PCDHGA12: variants seen among roughly 807,000 people sequenced by gnomAD.
The protein encoded by PCDHGA12 is protocadherin gamma-A12.
In PCDHGA12, 43 loss-of-function variants were observed where a neutral mutation model predicts 61.1. The ratio of observed to expected loss-of-function variants is 0.70; its 90% CI spans 0.55 to 0.91. The LOEUF (loss-of-function observed/expected upper bound fraction) is 0.91. Ranked by LOEUF, PCDHGA12 falls within the 40% of genes least tolerant of loss-of-function variation. PCDHGA12 has a pLI of 0.00. For missense variants in PCDHGA12, 1,236 were observed against 1,227.7 expected (o/e 1.01, Z -0.10); for synonymous variants, 520 against 542.9 (o/e 0.96, Z 0.59).
At chr5:141,462,122 C>A (rs1437400069) in intron 1 of PCDHGA12, among the ~76,000 whole-genome samples, 3 of 152,044 alleles carry the variant, frequency 2.0e-5, no homozygotes, top group Admixed American at 6.6e-5. Context: ...TGCACCCAGT[C>A]CAATTTTTTG....
chr5:141,456,783 C>G (rs1400541298), intron 1 of PCDHGA12, among the ~76,000 whole-genome samples: 3 of 151,802 alleles, frequency 2.0e-5, no homozygotes, highest in African/African-American at 4.8e-5. Flanking sequence ...GCCTACATGG[C>G]AAAACCCCAT....
chr5:141,496,932 T>G (rs1336402833), intron 2 of PCDHGA12, among the ~76,000 whole-genome samples: 1 of 148,964 alleles, frequency 6.7e-6, no homozygotes, highest in Non-Finnish European at 1.5e-5. Context: ...ACGCCTGTAA[T>G]CCCAGCACTT....
In PCDHGA12 at chr5:141,490,304, T is replaced by G. The variant is rs2099698490; in HGVS notation, c.2425-4503T>G. On this transcript the variant is annotated intron_variant, in intron 1 of 3. Coordinates refer to ENST00000252085, the MANE Select transcript of PCDHGA12 (RefSeq NM_003735.3). This position sits in a 1 kb window ranked among gnomAD's most constrained non-coding sequence, Gnocchi z 5.4. ...GCCCCAGAGGTGCTATTGGCCTCTT[T>G]GGCCAACCCTGTCCTAGAGAGCACA... 1.2e-6 allele frequency: 2 copies of G among 1,614,026 alleles called. No homozygotes were observed. The highest frequency in any genetic ancestry group is 1.7e-5 in the Admixed American group (1 of 60,010).
intron 1 of PCDHGA12, among the ~76,000 whole-genome samples, chr5:141,448,751 T>C (rs888567097): frequency 1.3e-5 from 2 of 151,804 alleles, no homozygotes; most frequent in South Asian, 4.2e-4. Context: ...CCATCCTGGC[T>C]AACACGGTGA....
chr5:141,437,346 T>C (rs143931647), intron 1 of PCDHGA12, among the ~76,000 whole-genome samples: 2 of 152,380 alleles, frequency 1.3e-5, no homozygotes, highest in East Asian at 3.9e-4. Flanking sequence ...CACTGTTTTA[T>C]AGTACCTAAA....
chr5:141,481,913 CAA>C (rs34114744), intron 1 of PCDHGA12, among the ~76,000 whole-genome samples: 12,059 of 90,730 alleles, frequency 0.13, 576 homozygotes, highest in African/African-American at 0.21. Flanking sequence ...AACTCCATCT[CAA>C]AAAAAAAAAA....
At chr5:141,448,663 G>A (rs1195703194) in intron 1 of PCDHGA12, among the ~76,000 whole-genome samples, 3 of 151,920 alleles carry the variant, frequency 2.0e-5, no homozygotes, top group African/African-American at 7.3e-5. Flanking sequence ...CATATTGGCC[G>A]GGCGCGGTGG....
chr5:141,472,770 G>C (rs953423129), intron 1 of PCDHGA12, among the ~76,000 whole-genome samples: 5 of 152,046 alleles, frequency 3.3e-5, no homozygotes, highest in Admixed American at 6.6e-5. Flanking sequence ...CAGATCACCT[G>C]AGGTTGGGAG....
chr5:141,475,761 T>C (rs1430719406), intron 1 of PCDHGA12, among the ~76,000 whole-genome samples: 3 of 152,248 alleles, frequency 2.0e-5, no homozygotes, highest in Admixed American at 6.5e-5. Flanking sequence ...GCACCGATAC[T>C]GGCAAGGCGC....
Position 141,486,314 on chromosome 5 carries a change from T to C in PCDHGA12, c.2425-8493T>C, listed in dbSNP as rs775833520. The C allele has an allele frequency of 4.5e-5, 72 of 1,613,758 alleles. No homozygotes were observed. The highest frequency in any genetic ancestry group is 5.9e-5 in the Non-Finnish European group (70 of 1,179,984). On this transcript the variant is annotated intron_variant, in intron 1 of 3. Transcript: ENST00000252085. This position sits in a 1 kb window ranked among gnomAD's most constrained non-coding sequence, Gnocchi z 5.0. ...CAGTGTGCAGGATCCAGACTCAGGG[T>C]CAAACGGAGATGTGAGCCTCCGCAT...
At chr5:141,474,452 G>A (rs1341193950) in intron 1 of PCDHGA12, among the ~76,000 whole-genome samples, 1 of 152,158 alleles carries the variant, frequency 6.6e-6, no homozygotes, top group Non-Finnish European at 1.5e-5. Flanking sequence ...CAAGTGATTG[G>A]GCTATACTCT....
At position 141,438,623 on chromosome 5, in the gene PCDHGA12, TATATATATATATAC is replaced by T. The variant is rs537048311; in HGVS notation, c.2424+5442_2424+5455del. Among the ~76,000 whole-genome samples the T allele has an allele frequency of 0.015, 646 of 42,812 alleles. 25 individuals are homozygous for T. In the East Asian group the frequency reaches 0.19, roughly 12 times the overall value. The allele number at this position is 42,812 out of a possible 152,430, so 28.1% of individuals were successfully genotyped here. A position where few individuals can be genotyped will look rare whatever the true frequency, so the allele number is the denominator to read the frequency against. On this transcript the variant is annotated intron_variant, in intron 1 of 3. Transcript: ENST00000252085. ...ATATATATATATATATATATATATA[TATATATATATATAC>T]ACACACACACACACATATATGTATA...
Position 141,489,111 on chromosome 5 carries a change from C to T in PCDHGA12, c.2425-5696C>T. The T allele has an allele frequency of 1.9e-6, 1 of 518,040 alleles. No individual in the cohort carries two copies. Among genetic ancestry groups the T allele is most frequent in the African/African-American group, 1.9e-5 (1 of 51,336 alleles). The allele number at this position is 518,040 out of a possible 1,614,324, so 32.1% of individuals were successfully genotyped here. ...GTGACTAAGAACTGCTGCAAGCAGG[C>T]AAACCTCCGAGCAGTTTTTAAGAGG... On this transcript the variant is annotated intron_variant, in intron 1 of 3. Transcript: ENST00000252085. This position sits in a 1 kb window ranked among gnomAD's most constrained non-coding sequence, Gnocchi z 4.5.
In PCDHGA12 at chr5:141,487,938, G is replaced by A; in HGVS notation, c.2425-6869G>A. ...GAGGCTACAGTGCACAGGGTACAGT[G>A]CACCAGGCAGTCACTTGGACAAAGG... is the stretch of plus-strand genomic sequence containing the variant. On this transcript the variant is annotated intron_variant, in intron 1 of 3. Coordinates refer to ENST00000252085, the MANE Select transcript of PCDHGA12 (RefSeq NM_003735.3). This position sits in a 1 kb window ranked among gnomAD's most constrained non-coding sequence, Gnocchi z 5.0. 1.7e-6 allele frequency: 1 copy of A among 600,308 alleles called. No homozygotes were observed. The highest frequency in any genetic ancestry group is 2.9e-6 in the Non-Finnish European group (1 of 342,970). 37.2% of individuals were successfully genotyped at this position (600,308 alleles called of 1,614,324 possible).
intron 1 of PCDHGA12, among the ~76,000 whole-genome samples, chr5:141,450,783 G>A (rs2879228): frequency 0.25 from 37,099 of 150,510 alleles, 4,810 homozygotes; most frequent in Admixed American, 0.32. Flanking sequence ...CACCGTGCCC[G>A]GACCTCATGA....
intron 1 of PCDHGA12, among the ~76,000 whole-genome samples, chr5:141,452,350 A>G (rs1355934993): frequency 6.6e-6 from 1 of 152,212 alleles, no homozygotes; most frequent in Admixed American, 6.5e-5. Context: ...CCATTTATCC[A>G]AAAGCCTTGC....
In PCDHGA12 at chr5:141,431,777, G is replaced by T. The variant is rs151011884; in HGVS notation, c.1018G>T (p.Val340Leu). 5,401 of 1,614,186 alleles carry T rather than the reference G, an allele frequency of 3.3e-3. 6 individuals are homozygous for T. Among genetic ancestry groups the T allele is most frequent in the Non-Finnish European group, 4.2e-3 (4,899 of 1,180,002 alleles). The change falls in exon 1 of 4, where the codon GTG (valine) becomes TTG (leucine). Residue 340 changes from valine to leucine, a missense_variant. Coordinates refer to ENST00000252085, the MANE Select transcript of PCDHGA12 (RefSeq NM_003735.3). The surrounding 1 kb of genome is among the most constrained non-coding windows in gnomAD (Gnocchi z 4.8). ...CAAAGTCCTGATCACTGTTCTGGAC[G>T]TGAACGACAATGCCCCAGAAGTGGT... ...RAKVLITVLDVNDNAPEVVLT... is the reference protein window; with the variant it reads ...RAKVLITVLDLNDNAPEVVLT...
chr5:141,485,786 C>A lies in PCDHGA12; in HGVS notation c.2425-9021C>A. On this transcript the variant is annotated intron_variant, in intron 1 of 3. Transcript: ENST00000252085. This position sits in a 1 kb window ranked among gnomAD's most constrained non-coding sequence, Gnocchi z 5.7. ...GGAGAAGCCTTTGGATCGAGAGAAG[C>A]AATCGGACTACCGCCTGGTGCTGAC... 1 of 1,614,208 alleles carries A rather than the reference C, an allele frequency of 6.2e-7. No individual in the cohort carries two copies. The highest frequency in any genetic ancestry group is 1.3e-5 in the African/African-American group (1 of 75,062).
At chr5:141,463,438 C>CTTTTTT (rs71576115) in intron 1 of PCDHGA12, among the ~76,000 whole-genome samples, 4 of 103,256 alleles carry the variant, frequency 3.9e-5, no homozygotes, top group African/African-American at 1.3e-4. Context: ...TTTCCTTCTC[C>CTTTTTT]TTTTTTTTTT....
Sources: gnomAD v4.1 joint callset for allele counts (sites outside exome capture counted in the v4.1 genomes callset) on GRCh38, gnomAD v4.1.1 for gene constraint, Gnocchi (gnomAD v3.1) non-coding constraint, MANE v1.5 for transcripts, NCBI Gene and HGNC (gene_info 2026-07-23, HGNC 2026-07-21) for gene names.